The following PRKAR1A variants were observed in gnomAD, a reference collection of about 807,000 sequenced individuals.
The protein encoded by PRKAR1A is cAMP-dependent protein kinase type I-alpha regulatory subunit.
In PRKAR1A, 3 loss-of-function variants were observed where a neutral mutation model predicts 52.0. The ratio of observed to expected loss-of-function variants is 0.06; its 90% CI spans 0.03 to 0.15. PRKAR1A has a LOEUF of 0.15. Ranked by LOEUF, PRKAR1A falls within the 10% of genes least tolerant of loss-of-function variation. The pLI is 1.00. For synonymous variants in PRKAR1A, 188 were observed against 168.4 expected, an observed-to-expected ratio of 1.12 and a Z score of -0.90; for missense variants, 240 against 477.4, an observed-to-expected ratio of 0.50 and a Z score of 4.63.
At chr17:68,418,292 G>A in the PRKAR1A span, among the ~76,000 whole-genome samples, 18 of 152,276 alleles carry the variant, frequency 1.2e-4, no homozygotes, top group South Asian at 3.7e-3. Context: ...TTGTTAGGAC[G>A]AGTCTTTCAG....
chr17:68,441,416 A>G, the PRKAR1A span, among the ~76,000 whole-genome samples: 1 of 152,246 alleles, frequency 6.6e-6, no homozygotes, highest in Non-Finnish European at 1.5e-5. Flanking sequence ...CAATTAGACG[A>G]GTGATTGTGT....
chr17:68,451,248 T>G, the PRKAR1A span, among the ~76,000 whole-genome samples: 2 of 152,134 alleles, frequency 1.3e-5, no homozygotes, highest in Admixed American at 6.5e-5. Flanking sequence ...CTGGCCAACA[T>G]GGCGAAACCC....
At chr17:68,418,436 T>C in the PRKAR1A span, among the ~76,000 whole-genome samples, 2 of 144,986 alleles carry the variant, frequency 1.4e-5, no homozygotes, top group African/African-American at 4.9e-5. Context: ...TTCCAAACTG[T>C]AGGCAAAGAC....
upstream of PRKAR1A, among the ~76,000 whole-genome samples, chr17:68,508,235 A>G (rs1394250109): frequency 2.0e-5 from 3 of 152,210 alleles, no homozygotes; most frequent in African/African-American, 7.2e-5. Flanking sequence ...ATGCATGCTT[A>G]TGTTCATTGT....
the PRKAR1A span, among the ~76,000 whole-genome samples, chr17:68,435,206 C>CAA: frequency 0.062 from 8,614 of 139,032 alleles, 315 homozygotes; most frequent in African/African-American, 0.093. Flanking sequence ...GACTCCACCT[C>CAA]AAAAAAAAAA....
intron 11 of PRKAR1A, chr17:68,543,688 G>T: frequency 6.2e-7 from 1 of 1,614,180 alleles, no homozygotes; most frequent in Non-Finnish European, 8.5e-7. Context: ...TGAAGTAGAA[G>T]AAGTCCACTG....
chr17:68,512,837 C>T (rs2085304573), intron 1 of PRKAR1A: 1 of 151,988 alleles, frequency 6.6e-6, no homozygotes, highest in Non-Finnish European at 1.5e-5. Context: ...CCTGGGCCCT[C>T]CGCGGCCCTC....
the PRKAR1A span, among the ~76,000 whole-genome samples, chr17:68,431,866 T>C: frequency 1.5e-5 from 1 of 67,216 alleles, no homozygotes; most frequent in Non-Finnish European, 3.1e-5. Context: ...AAAATCAATC[T>C]CTGATAATAA....
chr17:68,434,367 C>G, the PRKAR1A span, among the ~76,000 whole-genome samples: 1 of 152,186 alleles, frequency 6.6e-6, no homozygotes, highest in Admixed American at 6.5e-5. Context: ...GTTAAAACAG[C>G]ATCTCGGCTT....
the PRKAR1A span, among the ~76,000 whole-genome samples, chr17:68,479,101 T>G: frequency 1.3e-5 from 2 of 152,230 alleles, no homozygotes. Context: ...ACTATAGTTA[T>G]CCACATTCTC....
chr17:68,460,868 A>G, the PRKAR1A span, among the ~76,000 whole-genome samples: 27 of 152,258 alleles, frequency 1.8e-4, no homozygotes, highest in African/African-American at 6.3e-4. Context: ...AAAATTTCCC[A>G]GAAGTCCATT....
Position 68,524,943 on chromosome 17 carries a change from T to C in PRKAR1A, c.534T>C (p.Asp178=). The C allele has an allele frequency of 6.2e-7, 1 of 1,610,278 alleles. No homozygotes were observed. The highest frequency in any genetic ancestry group is 8.5e-7 in the Non-Finnish European group (1 of 1,176,636). ...GDEGDNFYVI[D]QGETDVYVNN... Reference sequence around the variant, plus strand: ...AAGGGGATAACTTCTATGTGATTGATCAAGGAGAGACGGATGTAAGATTTA... The same window carrying C: ...AAGGGGATAACTTCTATGTGATTGACCAAGGAGAGACGGATGTAAGATTTA... The change falls in exon 6 of 11, where the codon GAT becomes GAC. Residue 178 remains aspartate, a synonymous_variant. Coordinates refer to ENST00000589228, the MANE Select transcript of PRKAR1A (RefSeq NM_002734.5).
At chr17:68,436,422 A>AG in the PRKAR1A span, 1 of 1,614,074 alleles carries the variant, frequency 6.2e-7, no homozygotes, top group South Asian at 1.1e-5. Context: ...CCCTGAAGTC[A>AG]GGCTTCCAGG....
the PRKAR1A span, among the ~76,000 whole-genome samples, chr17:68,430,462 A>G: frequency 6.6e-6 from 1 of 152,342 alleles, no homozygotes; most frequent in East Asian, 1.9e-4. Flanking sequence ...CTAGATTTCC[A>G]GAAGAGAGTT....
chr17:68,429,726 C>T, the PRKAR1A span, among the ~76,000 whole-genome samples: 14 of 152,212 alleles, frequency 9.2e-5, no homozygotes, highest in East Asian at 2.7e-3. Flanking sequence ...GTAGCTGGGA[C>T]TACAGGCACG....
the PRKAR1A span, among the ~76,000 whole-genome samples, chr17:68,465,895 G>C: frequency 1.3e-5 from 2 of 152,140 alleles, no homozygotes; most frequent in African/African-American, 2.4e-5. Context: ...GATGGGGGCA[G>C]AGACCAGGTG....
At chr17:68,426,251 G>C in the PRKAR1A span, 1 of 825,458 alleles carries the variant, frequency 1.2e-6, no homozygotes, top group Non-Finnish European at 1.9e-6. Flanking sequence ...GTGGGGAGCG[G>C]GGGCTCAAAT....
At chr17:68,419,526 A>C in the PRKAR1A span, among the ~76,000 whole-genome samples, 40 of 152,278 alleles carry the variant, frequency 2.6e-4, no homozygotes, top group African/African-American at 9.6e-4. Flanking sequence ...CAGTGAGCTG[A>C]AGATTGTGCC....
chr17:68,550,401 TAGAG>T (rs1274900550), intron 11 of PRKAR1A, among the ~76,000 whole-genome samples: 254 of 90,596 alleles, frequency 2.8e-3, no homozygotes, highest in African/African-American at 9.0e-3. Flanking sequence ...TTTTTTAAGA[TAGAG>T]AGTCTCCCTC....
Sources: gnomAD v4.1 joint callset for allele counts (sites outside exome capture counted in the v4.1 genomes callset) on GRCh38, gnomAD v4.1.1 for gene constraint, MANE v1.5 for transcripts, NCBI Gene and HGNC (gene_info 2026-07-23, HGNC 2026-07-21) for gene names.